ANKRD12: variants seen among roughly 807,000 people sequenced by gnomAD.
ANKRD12 encodes ankyrin repeat domain 12.
Under a neutral mutation model 183.4 loss-of-function variants are expected in ANKRD12, and 85 were observed. The observed-to-expected ratio is 0.46, with a 90% confidence interval of 0.39 to 0.56. ANKRD12 has a LOEUF of 0.56. Ranked by LOEUF, ANKRD12 falls within the 20% of genes least tolerant of loss-of-function variation. The pLI, the probability that ANKRD12 is intolerant of heterozygous loss-of-function variation, is 0.00. For missense variants in ANKRD12, 2,405 were observed against 2,357.1 expected (o/e 1.02, Z -0.42); for synonymous variants, 914 against 800.2 (o/e 1.14, Z -2.40).
At chr18:9,249,540 A>C (rs2038161708) in intron 8 of ANKRD12, 1 of 152,218 alleles carries the variant, frequency 6.6e-6, no homozygotes, top group Admixed American at 6.5e-5. Flanking sequence ...CACTTCAAAT[A>C]AACATAAGTA....
In ANKRD12 at chr18:9,255,632, G is replaced by T. The variant is rs779602256; in HGVS notation, c.2365G>T (p.Gly789Cys). The stretch of plus-strand genomic sequence containing the variant: ...TAAAGACTCAGAATTTACTTCTTTG[G>T]GTATGAGTGCCATTGAGGAATCTAT... ...TDKDSEFTSL[G>C]MSAIEESIGL... The change falls in exon 9 of 13, where the codon GGT (glycine) becomes TGT (cysteine). Residue 789 changes from glycine to cysteine, a missense_variant. Physicochemically the swap from Gly to Cys is radical, Grantham distance 159. Around this residue, in one of 7 missense-constraint regions of ANKRD12, gnomAD observed 1,983 missense variants for 1,725.9 expected, o/e 1.15. Coordinates refer to ENST00000262126, the MANE Select transcript of ANKRD12 (RefSeq NM_015208.5). 3.8e-6 allele frequency: 6 copies of T among 1,573,310 alleles called. No individual in the cohort carries two copies. Among genetic ancestry groups the T allele is most frequent in the Middle Eastern group, 3.4e-4 (2 of 5,864 alleles).
In ANKRD12 at chr18:9,257,264, G is replaced by A. The variant is rs1202295311; in HGVS notation, c.3997G>A (p.Gly1333Ser). ...AACAATATCAGAAGAGAGCAATCAA[G>A]GTAGCTTATTAACTGTGCCAGGAGA... ...FQTISEESNQ[G>S]SLLTVPGDTS... Residue 1333 changes from glycine to serine, a missense_variant, in exon 9 of 13, where the codon GGT becomes AGT. Transcript: ENST00000262126. 2 of 1,614,112 alleles carry A rather than the reference G, an allele frequency of 1.2e-6. No individual in the cohort carries two copies. Among genetic ancestry groups the A allele is most frequent in the East Asian group, 2.2e-5 (1 of 44,886 alleles).
intron 7 of ANKRD12, 67 bp downstream of exon 7, chr18:9,216,967 C>T: frequency 7.0e-7 from 1 of 1,432,622 alleles, no homozygotes; most frequent in Non-Finnish European, 9.6e-7. Flanking sequence ...AAAGTAATTT[C>T]ATTCACTTCT....
chr18:9,143,788 A>G (rs1415975523), intron 1 of ANKRD12, among the ~76,000 whole-genome samples: 2 of 152,150 alleles, frequency 1.3e-5, no homozygotes, highest in African/African-American at 4.8e-5. Context: ...GCAGTTGAAT[A>G]TGACCAAACA....
chr18:9,182,395 A>C lies in ANKRD12; in HGVS notation c.-38A>C. On this transcript the variant is annotated 5_prime_UTR_variant, in exon 2 of 13. Coordinates refer to ENST00000262126, the MANE Select transcript of ANKRD12 (RefSeq NM_015208.5). ...TATTCTTTACAGATCCAGGATGAGA[A>C]GACTGATAAAAGAAGAAGCTAGCTG... is the stretch of plus-strand genomic sequence containing the variant. 1 of 1,368,572 alleles carries C rather than the reference A, an allele frequency of 7.3e-7. No homozygotes were observed. The highest frequency in any genetic ancestry group is 1.0e-6 in the Non-Finnish European group (1 of 967,552). 84.8% of individuals were successfully genotyped at this position (1,368,572 alleles called of 1,614,324 possible). A position where few individuals can be genotyped will look rare whatever the true frequency, so the allele number is the denominator to read the frequency against.
Position 9,258,717 on chromosome 18 carries a change from TAG to T in ANKRD12, c.5452_5453del (p.Asp1818PhefsTer6). ...ACTCAGCAATCTCTGGCAGCCATTGTAGATTCTCTAAAACTAGATGAGATTCA... is the reference window on the plus strand; with the variant it reads ...ACTCAGCAATCTCTGGCAGCCATTGTATTCTCTAAAACTAGATGAGATTCA... On this transcript the variant is annotated frameshift_variant, in exon 9 of 13. Coordinates refer to ENST00000262126, the MANE Select transcript of ANKRD12 (RefSeq NM_015208.5). LOFTEE classifies it high-confidence loss of function. The T allele has an allele frequency of 6.2e-7, 1 of 1,613,908 alleles. No homozygotes were observed. Among genetic ancestry groups the T allele is most frequent in the African/African-American group, 1.3e-5 (1 of 75,046 alleles).
chr18:9,258,464 CAAAGAATGA>C lies in ANKRD12; in HGVS notation c.5198_5206del (p.Gln1733_Thr1736delinsPro). The C allele has an allele frequency of 6.2e-7, 1 of 1,613,700 alleles. No homozygotes were observed. The highest frequency in any genetic ancestry group is 8.5e-7 in the Non-Finnish European group (1 of 1,179,932). ...TGATAAAACTGAAAACCAAATCCCTCAAAGAATGACTAGAAACAAAGCAAATACAATGGC... is the reference window on the plus strand; with the variant it reads ...TGATAAAACTGAAAACCAAATCCCTCCTAGAAACAAAGCAAATACAATGGC... On this transcript the variant is annotated inframe_deletion, in exon 9 of 13. Transcript: ENST00000262126.
Position 9,263,796 on chromosome 18 carries a change from C to A in ANKRD12, c.5671C>A (p.Pro1891Thr). 1 of 1,554,268 alleles carries A rather than the reference C, an allele frequency of 6.4e-7. No individual in the cohort carries two copies. Among genetic ancestry groups the A allele is most frequent in the Non-Finnish European group, 8.8e-7 (1 of 1,141,678 alleles). ...LSKICIPTIT[P>T]PPSLSDPLKE... ...TATATATCTTTTTAATTAGATTACACCACCACCTTCACTGTCAGATCCACT... is the reference window on the plus strand; with the variant it reads ...TATATATCTTTTTAATTAGATTACAACACCACCTTCACTGTCAGATCCACT... Residue 1891 changes from proline to threonine, a missense_variant, in exon 10 of 13, where the codon CCA (proline) becomes ACA (threonine). Pro to Thr is a conservative substitution (Grantham distance 38). Transcript: ENST00000262126.
chr18:9,170,776 G>T (rs2032628117), intron 1 of ANKRD12, among the ~76,000 whole-genome samples: 1 of 152,148 alleles, frequency 6.6e-6, no homozygotes, highest in Admixed American at 6.5e-5. Context: ...AGGAGGAGAG[G>T]CGCTCTGATT....
At chr18:9,152,477 A>G (rs2078714182) in intron 1 of ANKRD12, among the ~76,000 whole-genome samples, 1 of 151,950 alleles carries the variant, frequency 6.6e-6, no homozygotes, top group Non-Finnish European at 1.5e-5. Flanking sequence ...ATTTCCAGGT[A>G]TATCTTCTTC....
rs780335460 is a variant in ANKRD12 at position 9,257,892 on chromosome 18, C to A, written c.4625C>A (p.Thr1542Lys). ...GCTTTAGATACTGATAATGAATCTA[C>A]AAAAGATACAGAAAATACTTTTGTC... is the stretch of plus-strand genomic sequence containing the variant. Reference protein sequence around the residue: ...SSALDTDNESTKDTENTFVLG... With the variant: ...SSALDTDNESKKDTENTFVLG... Residue 1542 changes from threonine (T) to lysine (K), a missense_variant, in exon 9 of 13, where the codon ACA becomes AAA. Physicochemically the swap from Thr to Lys is moderately conservative, Grantham distance 78. Coordinates refer to ENST00000262126, the MANE Select transcript of ANKRD12 (RefSeq NM_015208.5). The A allele has an allele frequency of 6.2e-7, 1 of 1,613,708 alleles. No homozygotes were observed. Among genetic ancestry groups the A allele is most frequent in the Admixed American group, 1.7e-5 (1 of 59,898 alleles).
chr18:9,171,990 A>C (rs1336212637), intron 1 of ANKRD12, among the ~76,000 whole-genome samples: 4 of 150,048 alleles, frequency 2.7e-5, no homozygotes, highest in African/African-American at 4.9e-5. Flanking sequence ...ATTGTACTCT[A>C]TCCTGGGCAG....
In ANKRD12 at chr18:9,254,528, G is replaced by C; in HGVS notation, c.1261G>C (p.Val421Leu). 1 of 1,550,474 alleles carries C rather than the reference G, an allele frequency of 6.4e-7. No homozygotes were observed. Among genetic ancestry groups the C allele is most frequent in the East Asian group, 2.3e-5 (1 of 43,854 alleles). ...FKSKKQKPSR[V>L]LYSSTESSDE... is the part of the protein sequence containing the mutation. Reference sequence around the variant, plus strand: ...AAGTAAAAAACAAAAGCCATCTAGGGTCTTATATTCAAGTACTGAAAGTTC... The same window carrying C: ...AAGTAAAAAACAAAAGCCATCTAGGCTCTTATATTCAAGTACTGAAAGTTC... Residue 421 changes from valine to leucine, a missense_variant, in exon 9 of 13, where the codon GTC (valine) becomes CTC (leucine). Coordinates refer to ENST00000262126, the MANE Select transcript of ANKRD12 (RefSeq NM_015208.5).
Position 9,203,591 on chromosome 18 carries a change from G to A in ANKRD12, c.236-885G>A, listed in dbSNP as rs375462151. On this transcript the variant is annotated intron_variant, in intron 3 of 12. Coordinates refer to ENST00000262126, the MANE Select transcript of ANKRD12 (RefSeq NM_015208.5). ...GAATTCCATATATATATATGTGTGT[G>A]TGTGTATATATATTATTATTATTAT... 2.4e-4 allele frequency among the ~76,000 whole-genome samples: 37 copies of A among 151,942 alleles called. No homozygotes were observed. The South Asian group carries it at 5.4e-3, about 22-fold the overall frequency.
intron 9 of ANKRD12, chr18:9,260,306 A>G (rs989181764): frequency 1.3e-5 from 2 of 152,232 alleles, no homozygotes; most frequent in African/African-American, 4.8e-5. Context: ...ATACTTTAGG[A>G]GGCCAAGGTG....
intron 8 of ANKRD12, among the ~76,000 whole-genome samples, chr18:9,229,614 A>C (rs1485610355): frequency 6.6e-6 from 1 of 152,086 alleles, no homozygotes; most frequent in African/African-American, 2.4e-5. Context: ...CTGTTTCATT[A>C]TTGGTGTGTA....
chr18:9,252,433 G>T (rs542396283), intron 8 of ANKRD12, among the ~76,000 whole-genome samples: 2 of 152,286 alleles, frequency 1.3e-5, no homozygotes, highest in South Asian at 4.1e-4. Flanking sequence ...CAGAGCCAGG[G>T]TGAGGGTCAT....
chr18:9,157,550 G>GGTGTGTATGTGTAT (rs1555707774), intron 1 of ANKRD12, among the ~76,000 whole-genome samples: 24 of 114,596 alleles, frequency 2.1e-4, no homozygotes, highest in South Asian at 5.1e-4. Flanking sequence ...GGTGTGTGTG[G>GGTGTGTATGTGTAT]GTGTGTGTGT....
At position 9,204,459 on chromosome 18, in the gene ANKRD12, C is replaced by G. The variant is rs775654324; in HGVS notation, c.236-17C>G. Reference sequence around the variant, plus strand: ...CGTGTGCTTTTTTCTCTTCTCCTGTCTCTTCTCATTCTGTAGATTCAGATC... The same window carrying G: ...CGTGTGCTTTTTTCTCTTCTCCTGTGTCTTCTCATTCTGTAGATTCAGATC... On this transcript the variant is annotated splice_polypyrimidine_tract_variant and intron_variant, in intron 3 of 12. Coordinates refer to ENST00000262126, the MANE Select transcript of ANKRD12 (RefSeq NM_015208.5). The G allele has an allele frequency of 2.0e-5, 32 of 1,576,780 alleles. No homozygotes were observed. Among genetic ancestry groups the G allele is most frequent in the Non-Finnish European group, 2.4e-5 (28 of 1,152,256 alleles).
Sources: gnomAD v4.1 joint callset for allele counts (sites outside exome capture counted in the v4.1 genomes callset) on GRCh38, gnomAD v4.1.1 for gene constraint, gnomAD v4.1.1 regional missense constraint, MANE v1.5 for transcripts, NCBI Gene and HGNC (gene_info 2026-07-23, HGNC 2026-07-21) for gene names.